MLLT1: variants seen among roughly 807,000 people sequenced by gnomAD.
The protein encoded by MLLT1 is MLLT1 super elongation complex subunit.
A neutral mutation model predicts 55.1 loss-of-function variants in MLLT1; 11 were observed. The ratio of observed to expected loss-of-function variants is 0.20; its 90% CI spans 0.13 to 0.33. The LOEUF (loss-of-function observed/expected upper bound fraction) is 0.33, where lower values mean the gene tolerates loss of function less well. MLLT1 is among the 10% of genes least tolerant of loss of function. MLLT1 has a pLI of 1.00. For missense variants in MLLT1, 536 were observed against 760.6 expected (o/e 0.70, Z 3.47); for synonymous variants, 323 against 320.1 (o/e 1.01, Z -0.10).
chr19:6,217,878 G>A, intron 7 of MLLT1, 76 bp downstream of exon 7: 4 of 1,522,978 alleles, frequency 2.6e-6, no homozygotes, highest in Non-Finnish European at 3.5e-6. Flanking sequence ...AGTGGACGCT[G>A]AGGAATGCCC....
chr19:6,253,228 G>C (rs760798419), intron 3 of MLLT1, among the ~76,000 whole-genome samples: 15 of 121,638 alleles, frequency 1.2e-4, no homozygotes, highest in Non-Finnish European at 2.2e-4. Context: ...TTGCGCCACT[G>C]CACTCCAGCC....
rs2090874885 is a variant in MLLT1 at position 6,219,485 on chromosome 19, C to T, written c.1111-1444G>A. On this transcript the variant is annotated intron_variant, in intron 6 of 11. Coordinates refer to ENST00000252674, the MANE Select transcript of MLLT1 (RefSeq NM_005934.4). This position sits in a 1 kb window ranked among gnomAD's most constrained non-coding sequence, Gnocchi z 4.5. ...GGGGCCAGGGGTGAGTAAGAGGTGACCGAGAGATGGCCTATTTAACCCCAG... is the reference window on the plus strand; with the variant it reads ...GGGGCCAGGGGTGAGTAAGAGGTGATCGAGAGATGGCCTATTTAACCCCAG... Among the ~76,000 whole-genome samples the T allele has an allele frequency of 6.6e-6, 1 of 152,164 alleles. No homozygotes were observed. Among genetic ancestry groups the T allele is most frequent in the South Asian group, 2.1e-4 (1 of 4,826 alleles).
chr19:6,225,045 G>A (rs1415286759), intron 5 of MLLT1, among the ~76,000 whole-genome samples: 1 of 152,180 alleles, frequency 6.6e-6, no homozygotes, highest in Non-Finnish European at 1.5e-5. Flanking sequence ...ACGTTTGCAA[G>A]GTTGTCTGCG....
intron 3 of MLLT1, among the ~76,000 whole-genome samples, chr19:6,261,701 G>A (rs1439385564): frequency 1.3e-5 from 2 of 151,820 alleles, no homozygotes; most frequent in South Asian, 4.2e-4. Context: ...AAACCCCCTG[G>A]ACTCCCACCA....
At chr19:6,274,179 G>T (rs1417395219) in intron 1 of MLLT1, among the ~76,000 whole-genome samples, 1 of 152,236 alleles carries the variant, frequency 6.6e-6, no homozygotes, top group South Asian at 2.1e-4. Flanking sequence ...ACTGTGGAGC[G>T]CTGAGGGGGG....
chr19:6,273,971 C>T lies in MLLT1; in HGVS notation c.13-3212G>A, dbSNP rs1166094989. ...AAGCACCAGAACTCCACCGCAGTGG[C>T]CAAAGTAAACAGGAAGGTTCCGAGG... is the stretch of plus-strand genomic sequence containing the variant. On this transcript the variant is annotated intron_variant, in intron 1 of 11. Coordinates refer to ENST00000252674, the MANE Select transcript of MLLT1 (RefSeq NM_005934.4). The surrounding 1 kb of genome is among the most constrained non-coding windows in gnomAD (Gnocchi z 4.3). Among the ~76,000 whole-genome samples, 1 of 152,224 alleles carries T rather than the reference C, an allele frequency of 6.6e-6. No homozygotes were observed. Among genetic ancestry groups the T allele is most frequent in the African/African-American group, 2.4e-5 (1 of 41,450 alleles).
Position 6,214,047 on chromosome 19 carries a change from A to G in MLLT1, c.1308-9T>C. On this transcript the variant is annotated splice_polypyrimidine_tract_variant and intron_variant, in intron 8 of 11. Coordinates refer to ENST00000252674, the MANE Select transcript of MLLT1 (RefSeq NM_005934.4). ...TGTCGCTGAAGCTCAACCTGAACCG[A>G]CACACGGGGGCGCATCAGGCCCCTG... 1 of 1,414,212 alleles carries G rather than the reference A, an allele frequency of 7.1e-7. No individual in the cohort carries two copies. The highest frequency in any genetic ancestry group is 9.2e-7 in the Non-Finnish European group (1 of 1,083,492). 87.6% of individuals were successfully genotyped at this position (1,414,212 alleles called of 1,614,324 possible). A position where few individuals can be genotyped will look rare whatever the true frequency, so the allele number is the denominator to read the frequency against.
chr19:6,220,262 G>A (rs999855657), intron 6 of MLLT1, among the ~76,000 whole-genome samples: 5 of 152,366 alleles, frequency 3.3e-5, no homozygotes, highest in Admixed American at 6.5e-5. Flanking sequence ...CTGGAAGGCC[G>A]ATGTGCTTCT....
Position 6,222,355 on chromosome 19 carries a change from C to T in MLLT1, c.876G>A (p.Ser292=), listed in dbSNP as rs768231649. Residue 292 remains serine, a synonymous_variant, in exon 6 of 12, where the codon TCG becomes TCA. Transcript: ENST00000252674. The surrounding 1 kb of genome is among the most constrained non-coding windows in gnomAD (Gnocchi z 4.1). ...TCTGCTTCTTGGCGCTGGGCTTTGG[C>T]GAGTCGGCGGTGGCCGGCCGCTTGC... ...ASSKRPATAD[S]PKPSAKKQKK... 20 of 1,474,410 alleles carry T rather than the reference C, an allele frequency of 1.4e-5. No homozygotes were observed. The highest frequency in any genetic ancestry group is 1.1e-4 in the South Asian group (8 of 75,536). The allele number at this position is 1,474,410 out of a possible 1,614,324, so 91.3% of individuals were successfully genotyped here. A position where few individuals can be genotyped will look rare whatever the true frequency, so the allele number is the denominator to read the frequency against.
chr19:6,232,418 C>A (rs2335626), intron 3 of MLLT1, among the ~76,000 whole-genome samples: 52,293 of 152,010 alleles, frequency 0.34, 11,564 homozygotes, highest in African/African-American at 0.63. Flanking sequence ...CCTACTCCAC[C>A]CACACACAGA....
intron 3 of MLLT1, among the ~76,000 whole-genome samples, chr19:6,253,005 T>G (rs1355489548): frequency 6.6e-6 from 1 of 151,942 alleles, no homozygotes; most frequent in Non-Finnish European, 1.5e-5. Flanking sequence ...GGCTCACGAC[T>G]GTAATCCCAG....
chr19:6,218,539 G>A (rs1276460512), intron 6 of MLLT1, among the ~76,000 whole-genome samples: 2 of 152,248 alleles, frequency 1.3e-5, no homozygotes, highest in African/African-American at 4.8e-5. Flanking sequence ...CCACCCATTC[G>A]CTGCTCCTAC....
intron 1 of MLLT1, among the ~76,000 whole-genome samples, chr19:6,274,185 G>T (rs979284471): frequency 5.3e-5 from 8 of 152,348 alleles, no homozygotes; most frequent in Admixed American, 3.3e-4. Context: ...GAGCGCTGAG[G>T]GGGGCACTCC....
At chr19:6,268,513 A>G (rs1444128375) in intron 2 of MLLT1, among the ~76,000 whole-genome samples, 1 of 152,204 alleles carries the variant, frequency 6.6e-6, no homozygotes, top group Non-Finnish European at 1.5e-5. Context: ...TTTCTACCCT[A>G]TTTGATTTGT....
In MLLT1 at chr19:6,265,049, C is replaced by CAAAAACAAAA. The variant is rs1568296295; in HGVS notation, c.194-2740_194-2739insTTTTGTTTTT. Among the ~76,000 whole-genome samples, 23 of 23,288 alleles carry CAAAAACAAAA rather than the reference C, an allele frequency of 9.9e-4. 1 individual carries two copies. The highest frequency in any genetic ancestry group is 2.3e-3 in the Non-Finnish European group (20 of 8,640). 15.3% of individuals were successfully genotyped at this position (23,288 alleles called of 152,430 possible). On this transcript the variant is annotated intron_variant, in intron 2 of 11. Coordinates refer to ENST00000252674, the MANE Select transcript of MLLT1 (RefSeq NM_005934.4). ...AACATAGTGAACAGCAAAAAAAAAA[C>CAAAAACAAAA]AAAAAAACAAAAAAACAAAAAAAAA...
intron 1 of MLLT1, among the ~76,000 whole-genome samples, chr19:6,276,412 C>T (rs186745542): frequency 6.6e-6 from 1 of 152,290 alleles, no homozygotes; most frequent in Admixed American, 6.5e-5. Flanking sequence ...AACAAACTTT[C>T]CCCGCTGAAG....
chr19:6,237,531 G>A (rs1040004423), intron 3 of MLLT1, among the ~76,000 whole-genome samples: 3 of 151,608 alleles, frequency 2.0e-5, no homozygotes, highest in Admixed American at 6.6e-5. Flanking sequence ...GCCGAGGCAG[G>A]TGGATCACAA....
rs528769702 is a variant in MLLT1 at position 6,231,217 on chromosome 19, C to A, written c.277-504G>T. Among the ~76,000 whole-genome samples the A allele has an allele frequency of 1.3e-5, 2 of 152,348 alleles. No homozygotes were observed. The highest frequency in any genetic ancestry group is 4.1e-4 in the South Asian group (2 of 4,828). On this transcript the variant is annotated intron_variant, in intron 3 of 11. Coordinates refer to ENST00000252674, the MANE Select transcript of MLLT1 (RefSeq NM_005934.4). The surrounding 1 kb of genome is among the most constrained non-coding windows in gnomAD (Gnocchi z 5.1). ...GGGGCAAAAGTACAAGGTCACGACCCAGTTTCCAGGAGGCTCTGTCCACTT... is the reference window on the plus strand; with the variant it reads ...GGGGCAAAAGTACAAGGTCACGACCAAGTTTCCAGGAGGCTCTGTCCACTT...
intron 1 of MLLT1, among the ~76,000 whole-genome samples, chr19:6,274,331 T>C (rs2091416887): frequency 2.0e-5 from 3 of 152,250 alleles, no homozygotes; most frequent in African/African-American, 4.8e-5. Flanking sequence ...CAGGTCATGA[T>C]AATTTATTAG....
Sources: allele counts gnomAD v4.1 joint callset (sites outside exome capture counted in the v4.1 genomes callset), GRCh38; gene constraint gnomAD v4.1.1; non-coding constraint Gnocchi (gnomAD v3.1); transcripts MANE v1.5; gene names NCBI Gene and HGNC (gene_info 2026-07-23, HGNC 2026-07-21).